HPS5: variants seen among roughly 807,000 people sequenced by gnomAD.
HPS5 encodes HPS5 biogenesis of lysosomal organelles complex 2 subunit 2, also known as BLOC-2 complex member HPS5.
In HPS5, 83 loss-of-function variants were observed where a neutral mutation model predicts 128.0. The observed-to-expected ratio is 0.65, with a 90% CI of 0.54 to 0.78. The LOEUF is 0.78. Among genes scored for constraint, HPS5 ranks in the 30% least tolerant of loss-of-function variants. HPS5 has a pLI of 0.00. For missense variants in HPS5, 1,281 were observed against 1,326.2 expected (o/e 0.97, Z 0.53); for synonymous variants, 475 against 470.2 (o/e 1.01, Z -0.13).
At chr11:18,309,385 C>A (rs1337853000) in intron 5 of HPS5, among the ~76,000 whole-genome samples, 1 of 152,212 alleles carries the variant, frequency 6.6e-6, no homozygotes, top group Non-Finnish European at 1.5e-5. Context: ...TAGCACACAT[C>A]CATAATCCCA....
intron 13 of HPS5, among the ~76,000 whole-genome samples, chr11:18,295,697 A>G (rs1053191997): frequency 2.0e-4 from 31 of 152,226 alleles, no homozygotes; most frequent in African/African-American, 7.0e-4. Context: ...CAAACTGACC[A>G]TTAGAAAGGA....
intron 14 of HPS5, 44 bp downstream of exon 14, chr11:18,294,976 C>T (rs1479776066): frequency 1.2e-6 from 2 of 1,609,932 alleles, no homozygotes; most frequent in Admixed American, 1.7e-5. Context: ...AAACTGACAG[C>T]TGGATTCCCT....
In HPS5 at chr11:18,310,670, T is replaced by C. The variant is rs573167128; in HGVS notation, c.477+71A>G. The C allele has an allele frequency of 4.9e-6, 6 of 1,236,468 alleles. No individual in the cohort carries two copies. In the African/African-American group the frequency reaches 7.5e-5, roughly 15 times the overall value. The allele number at this position is 1,236,468 out of a possible 1,614,324, so 76.6% of individuals were successfully genotyped here. On this transcript the variant is annotated intron_variant, in intron 5 of 22. Coordinates refer to ENST00000349215, the MANE Select transcript of HPS5 (RefSeq NM_181507.2). ...AAATACAGTAGATAAAATCACATCC[T>C]TTAATTGGAAGTTTTATAAGACAAC... is the stretch of plus-strand genomic sequence containing the variant.
intron 21 of HPS5, among the ~76,000 whole-genome samples, chr11:18,283,573 G>A (rs931292794): frequency 6.8e-6 from 1 of 146,482 alleles, no homozygotes; most frequent in African/African-American, 2.4e-5. Context: ...TCATGAAATA[G>A]AAAAGTTGCC....
chr11:18,305,364 G>T, intron 8 of HPS5, 58 bp downstream of exon 8: 1 of 1,129,202 alleles, frequency 8.9e-7, no homozygotes, highest in South Asian at 1.3e-5. Context: ...ACAAGAAACA[G>T]AGATAAAAAT....
chr11:18,305,701 C>T lies in HPS5; in HGVS notation c.825-208G>A, dbSNP rs11024615. ...TGAATCTTTTAATAAAAATAAAAAT[C>T]CAACTTCACTCTGAAAAGATAGAAT... On this transcript the variant is annotated intron_variant, in intron 7 of 22. Coordinates refer to ENST00000349215, the MANE Select transcript of HPS5 (RefSeq NM_181507.2). 0.14 allele frequency among the ~76,000 whole-genome samples: 21,031 copies of T among 151,576 alleles called. 1,559 individuals are homozygous for T. Among genetic ancestry groups the T allele is most frequent in the African/African-American group, 0.19 (7,820 of 41,292 alleles).
intron 1 of HPS5, among the ~76,000 whole-genome samples, chr11:18,319,879 G>C (rs1864110904): frequency 6.6e-6 from 1 of 152,162 alleles, no homozygotes; most frequent in Non-Finnish European, 1.5e-5. Context: ...GTAGAGTCTA[G>C]AACGAAAGGG....
intron 9 of HPS5, 107 bp downstream of exon 9, chr11:18,300,715 AAAAAAG>A: frequency 3.5e-6 from 2 of 573,234 alleles, no homozygotes; most frequent in Admixed American, 3.1e-5. Flanking sequence ...AAAAAAAAAA[AAAAAAG>A]TCATCCCATC....
Position 18,291,483 on chromosome 11 carries a change from T to C in HPS5, c.2399A>G (p.Asn800Ser). 1 of 1,613,110 alleles carries C rather than the reference T, an allele frequency of 6.2e-7. No individual in the cohort carries two copies. Among genetic ancestry groups the C allele is most frequent in the Non-Finnish European group, 8.5e-7 (1 of 1,179,152 alleles). ...AAAAGTATCCCAAACAGAAGGGCTA[T>C]TACTGTAACTAAGCTTGATACTCTC... ...AKESIKLSYS[N>S]SPSVWDTFIE... The change falls in exon 16 of 23, where the codon AAT becomes AGT. Residue 800 changes from asparagine (N) to serine (S), a missense_variant. Transcript: ENST00000349215.
chr11:18,320,176 C>T (rs554272536), intron 1 of HPS5, among the ~76,000 whole-genome samples: 2 of 152,172 alleles, frequency 1.3e-5, no homozygotes, highest in African/African-American at 4.8e-5. Context: ...CTCAGAGAAG[C>T]TGCTGAATGA....
rs938458601 is a variant in HPS5 at position 18,310,902 on chromosome 11, G to C, written c.316C>G (p.Gln106Glu). ...TGTTCCGGTTTCCCACGACGCTCTTGATTTAATTCCCAAACAACCACAAGA... is the reference window on the plus strand; with the variant it reads ...TGTTCCGGTTTCCCACGACGCTCTTCATTTAATTCCCAAACAACCACAAGA... ...QGLVVVWELN[Q>E]ERRGKPEQMY... Residue 106 changes from glutamine (Q) to glutamate (E), a missense_variant, in exon 5 of 23, where the codon CAA becomes GAA. Physicochemically the swap from Gln to Glu is conservative, Grantham distance 29. Coordinates refer to ENST00000349215, the MANE Select transcript of HPS5 (RefSeq NM_181507.2). 3 of 1,614,002 alleles carry C rather than the reference G, an allele frequency of 1.9e-6. No homozygotes were observed. Among genetic ancestry groups the C allele is most frequent in the African/African-American group, 2.7e-5 (2 of 74,914 alleles).
rs937284600 is a variant in HPS5 at position 18,296,932 on chromosome 11, C to T, written c.1376G>A (p.Arg459Lys). Residue 459 changes from arginine to lysine, a missense_variant, in exon 12 of 23, where the codon AGA becomes AAA. Physicochemically the swap from Arg to Lys is conservative, Grantham distance 26. Coordinates refer to ENST00000349215, the MANE Select transcript of HPS5 (RefSeq NM_181507.2). ...AGAGTCTTCATCTGACTGACTGCCT[C>T]TTCTACTACTAATGATACGATAAAT... Reference protein sequence around the residue: ...SGIYRIISSRRGSQSDEDSCS... With the variant: ...SGIYRIISSRKGSQSDEDSCS... 1 of 1,609,716 alleles carries T rather than the reference C, an allele frequency of 6.2e-7. No individual in the cohort carries two copies. The highest frequency in any genetic ancestry group is 1.1e-5 in the South Asian group (1 of 90,988).
intron 19 of HPS5, 52 bp from the exon 20 acceptor site, chr11:18,285,511 A>G (rs761371389): frequency 8.4e-7 from 1 of 1,196,770 alleles, no homozygotes; most frequent in Non-Finnish European, 1.2e-6. Context: ...ACTCTAGAAA[A>G]TGCTTATTTA....
At chr11:18,295,193 T>C (rs565361294) in intron 13 of HPS5, 24 bp from the exon 14 acceptor site, 2 of 1,606,958 alleles carry the variant, frequency 1.2e-6, no homozygotes, top group Admixed American at 1.7e-5. Context: ...AACAAAAAAC[T>C]AACATGAATA....
At chr11:18,319,772 T>C (rs772614484) in intron 1 of HPS5, among the ~76,000 whole-genome samples, 3 of 152,138 alleles carry the variant, frequency 2.0e-5, no homozygotes, top group Non-Finnish European at 4.4e-5. Flanking sequence ...GGATAAAACA[T>C]TTCAATTACT....
intron 8 of HPS5, 108 bp downstream of exon 8, chr11:18,305,314 G>C (rs1590115404): frequency 4.1e-6 from 3 of 726,030 alleles, no homozygotes; most frequent in Admixed American, 4.3e-5. Context: ...CTTTCTATAA[G>C]TAATTTAGTG....
chr11:18,285,740 T>C (rs534216955), intron 19 of HPS5, among the ~76,000 whole-genome samples: 1 of 145,566 alleles, frequency 6.9e-6, no homozygotes, highest in African/African-American at 2.8e-5. Context: ...CTGCATATCC[T>C]TCCAGACTTT....
intron 8 of HPS5, among the ~76,000 whole-genome samples, chr11:18,303,644 G>A (rs1861993870): frequency 6.6e-6 from 1 of 152,170 alleles, no homozygotes; most frequent in Non-Finnish European, 1.5e-5. Flanking sequence ...CCTGAGCTCA[G>A]GAGTTCGAGA....
chr11:18,311,614 G>A (rs113204186), intron 3 of HPS5, 163 bp from the exon 4 acceptor site: 9 of 550,542 alleles, frequency 1.6e-5, no homozygotes, highest in South Asian at 4.1e-5. Context: ...GGGTTCAAGC[G>A]ATTCTCCTGC....
Sources: gnomAD v4.1 joint callset for allele counts (sites outside exome capture counted in the v4.1 genomes callset) on GRCh38, gnomAD v4.1.1 for gene constraint, MANE v1.5 for transcripts, NCBI Gene and HGNC (gene_info 2026-07-23, HGNC 2026-07-21) for gene names.